SLC44A5: variants seen among roughly 807,000 people sequenced by gnomAD.
The protein encoded by SLC44A5 is solute carrier family 44 member 5.
Under a neutral mutation model 101.8 loss-of-function variants are expected in SLC44A5, and 57 were observed. The ratio of observed to expected loss-of-function variants is 0.56; its 90% CI spans 0.45 to 0.70. The LOEUF (loss-of-function observed/expected upper bound fraction) is 0.70. Ranked by LOEUF, SLC44A5 falls within the 30% of genes least tolerant of loss-of-function variation. The pLI is 0.00. For synonymous variants in SLC44A5, 281 were observed against 290.9 expected, an observed-to-expected ratio of 0.97 and a Z score of 0.35; for missense variants, 737 against 853.1, an observed-to-expected ratio of 0.86 and a Z score of 1.70.
At chr1:75,559,735 G>A (rs913330724) in intron 1 of SLC44A5, among the ~76,000 whole-genome samples, 17 of 152,112 alleles carry the variant, frequency 1.1e-4, no homozygotes, top group African/African-American at 2.2e-4. Context: ...GATACAATCC[G>A]AAAAGTGAAA....
chr1:75,341,351 G>A (rs1286163553), intron 3 of SLC44A5, among the ~76,000 whole-genome samples: 1 of 152,102 alleles, frequency 6.6e-6, no homozygotes, highest in Non-Finnish European at 1.5e-5. Flanking sequence ...GCGTGATGGT[G>A]CACACCTGTA....
At chr1:75,310,530 G>C (rs1655216546) in intron 4 of SLC44A5, among the ~76,000 whole-genome samples, 1 of 152,106 alleles carries the variant, frequency 6.6e-6, no homozygotes, top group African/African-American at 2.4e-5. Flanking sequence ...TTGCTTTTCA[G>C]CTTCTCTACT....
intron 2 of SLC44A5, among the ~76,000 whole-genome samples, chr1:75,445,351 C>T (rs1665492981): frequency 6.6e-6 from 1 of 152,036 alleles, no homozygotes; most frequent in Admixed American, 6.6e-5. Flanking sequence ...AGAAGCCAAG[C>T]AGATGCTGGT....
At chr1:75,327,479 C>A (rs1383428656) in intron 4 of SLC44A5, among the ~76,000 whole-genome samples, 1 of 152,120 alleles carries the variant, frequency 6.6e-6, no homozygotes, top group Non-Finnish European at 1.5e-5. Flanking sequence ...GTTTATAAGG[C>A]TAGCAGTGAA....
intron 2 of SLC44A5, among the ~76,000 whole-genome samples, chr1:75,414,546 A>G (rs906228332): frequency 5.3e-5 from 8 of 152,342 alleles, no homozygotes; most frequent in Middle Eastern, 3.4e-3. Context: ...CCAACTATTT[A>G]TACAGTAAAT....
chr1:75,301,215 C>T (rs1190423623), intron 4 of SLC44A5, among the ~76,000 whole-genome samples: 1 of 152,048 alleles, frequency 6.6e-6, no homozygotes, highest in Non-Finnish European at 1.5e-5. Context: ...AAATAAAATG[C>T]CTCAAAAGTA....
chr1:75,278,267 C>G, intron 5 of SLC44A5, among the ~76,000 whole-genome samples: 2 of 151,746 alleles, frequency 1.3e-5, no homozygotes, highest in Middle Eastern at 6.8e-3. Context: ...ATTATTTTCA[C>G]CTGTTTCCCT....
At chr1:75,462,357 C>T (rs1490838997) in intron 2 of SLC44A5, among the ~76,000 whole-genome samples, 1 of 152,136 alleles carries the variant, frequency 6.6e-6, no homozygotes, top group Non-Finnish European at 1.5e-5. Context: ...ACAAATACAG[C>T]TTAGATCACA....
At chr1:75,655,983 A>G in the SLC44A5 span, among the ~76,000 whole-genome samples, 74,625 of 151,964 alleles carry the variant, frequency 0.49, 19,574 homozygotes, top group East Asian at 0.93. Flanking sequence ...AAAGGTCAAA[A>G]TTAAAGGGAA....
intron 2 of SLC44A5, among the ~76,000 whole-genome samples, chr1:75,446,649 T>C (rs2101646196): frequency 6.7e-6 from 1 of 149,828 alleles, no homozygotes; most frequent in South Asian, 2.1e-4. Context: ...TGCCTGGCTA[T>C]ACACACACAC....
intron 2 of SLC44A5, among the ~76,000 whole-genome samples, chr1:75,495,031 G>C (rs1668597096): frequency 6.6e-6 from 1 of 152,166 alleles, no homozygotes; most frequent in African/African-American, 2.4e-5. Flanking sequence ...AAGACTGGGA[G>C]AGATGGCTGT....
chr1:75,627,750 T>C, the SLC44A5 span, among the ~76,000 whole-genome samples: 747 of 151,932 alleles, frequency 4.9e-3, 5 homozygotes, highest in African/African-American at 0.017. Context: ...TACTTTTTAA[T>C]TGAAGAGCTG....
chr1:75,708,751 A>C, the SLC44A5 span, among the ~76,000 whole-genome samples: 19 of 152,178 alleles, frequency 1.2e-4, no homozygotes, highest in African/African-American at 4.1e-4. Context: ...TCCTCCAGAA[A>C]AACCTCAACT....
At chr1:75,218,282 A>G (rs1470830920) in intron 17 of SLC44A5, among the ~76,000 whole-genome samples, 1 of 152,116 alleles carries the variant, frequency 6.6e-6, no homozygotes, top group African/African-American at 2.4e-5. Flanking sequence ...TCTCTCTAGT[A>G]ACCTATAGCA....
At chr1:75,703,774 C>G in the SLC44A5 span, among the ~76,000 whole-genome samples, 10 of 150,948 alleles carry the variant, frequency 6.6e-5, no homozygotes, top group African/African-American at 1.9e-4. Flanking sequence ...CTGTTCAGTA[C>G]CAGACCTTGT....
At chr1:75,557,842 G>A (rs1672305012) in intron 1 of SLC44A5, among the ~76,000 whole-genome samples, 1 of 152,032 alleles carries the variant, frequency 6.6e-6, no homozygotes, top group Non-Finnish European at 1.5e-5. Flanking sequence ...GAGTGTTAAT[G>A]GCTATTTATG....
intron 4 of SLC44A5, among the ~76,000 whole-genome samples, chr1:75,318,064 T>G (rs1372508377): frequency 6.6e-6 from 1 of 152,122 alleles, no homozygotes. Flanking sequence ...AAAGATACAG[T>G]TGAAGTTGGT....
At chr1:75,481,697 A>C (rs2101777774) in intron 2 of SLC44A5, among the ~76,000 whole-genome samples, 1 of 152,290 alleles carries the variant, frequency 6.6e-6, no homozygotes, top group Non-Finnish European at 1.5e-5. Context: ...AATCAAAACC[A>C]CAGTGAGATA....
chr1:75,644,700 T>C, the SLC44A5 span, among the ~76,000 whole-genome samples: 3 of 152,102 alleles, frequency 2.0e-5, no homozygotes, highest in Non-Finnish European at 4.4e-5. Flanking sequence ...GCAGGTTTGT[T>C]ACATATGTAT....
Sources: gnomAD v4.1 joint callset for allele counts (sites outside exome capture counted in the v4.1 genomes callset) on GRCh38, gnomAD v4.1.1 for gene constraint, MANE v1.5 for transcripts, NCBI Gene and HGNC (gene_info 2026-07-23, HGNC 2026-07-21) for gene names.